SLC41A2: variants seen among roughly 807,000 people sequenced by gnomAD.
SLC41A2 encodes the protein SLC41A1-like 1.
In SLC41A2, 32 loss-of-function variants were observed where a neutral mutation model predicts 58.3. The ratio of observed to expected loss-of-function variants is 0.55; its 90% CI spans 0.41 to 0.74. SLC41A2 has a LOEUF of 0.74. Ranked by LOEUF, SLC41A2 falls within the 30% of genes least tolerant of loss-of-function variation. The pLI is 0.00. For synonymous variants in SLC41A2, 190 were observed against 235.0 expected, an observed-to-expected ratio of 0.81 and a Z score of 1.75; for missense variants, 514 against 680.6, an observed-to-expected ratio of 0.76 and a Z score of 2.72.
At chr12:104,818,209 T>C (rs7974895) in intron 10 of SLC41A2, among the ~76,000 whole-genome samples, 6,647 of 152,134 alleles carry the variant, frequency 0.044, 280 homozygotes, top group African/African-American at 0.096. Context: ...AAGATACTAA[T>C]AGCAAAAATA....
chr12:104,929,000 A>T (rs984296030), intron 1 of SLC41A2, among the ~76,000 whole-genome samples: 5 of 152,216 alleles, frequency 3.3e-5, no homozygotes, highest in African/African-American at 1.2e-4. Flanking sequence ...CCCACAGTGG[A>T]CAAATGTTTT....
At chr12:104,957,795 C>T (rs2048224656) in intron 1 of SLC41A2, among the ~76,000 whole-genome samples, 1 of 152,212 alleles carries the variant, frequency 6.6e-6, no homozygotes, top group African/African-American at 2.4e-5. Context: ...CATACACCAC[C>T]CGCCGCCTGT....
intron 10 of SLC41A2, among the ~76,000 whole-genome samples, chr12:104,836,959 A>C (rs1272386659): frequency 6.6e-6 from 1 of 152,196 alleles, no homozygotes; most frequent in Non-Finnish European, 1.5e-5. Context: ...GTACTGTAGG[A>C]ATGGCAACTC....
rs1332959566 is a variant in SLC41A2 at position 104,845,859 on chromosome 12, T to C, written c.1371A>G (p.Arg457=). The C allele has an allele frequency of 2.5e-6, 4 of 1,613,116 alleles. No individual in the cohort carries two copies. Among genetic ancestry groups the C allele is most frequent in the Non-Finnish European group, 3.4e-6 (4 of 1,179,436 alleles). The change falls in exon 9 of 11, where the codon AGA becomes AGG. Residue 457 remains arginine, a synonymous_variant. Transcript: ENST00000258538. ...AGCACATACCTGGACCAAAGAAAGT[T>C]CTAAATGGGTAGTAACAACCTTTGG... ...DEPKGCYYPF[R]TFFGPGVNNK... is the part of the protein sequence containing the mutation.
chr12:104,949,582 G>A (rs1044207225), intron 1 of SLC41A2, among the ~76,000 whole-genome samples: 15 of 151,578 alleles, frequency 9.9e-5, no homozygotes, highest in African/African-American at 3.6e-4. Context: ...ATGATGGTGA[G>A]CTAAACTTTT....
At chr12:104,943,802 C>A (rs2047605009) in intron 1 of SLC41A2, among the ~76,000 whole-genome samples, 1 of 152,178 alleles carries the variant, frequency 6.6e-6, no homozygotes, top group Non-Finnish European at 1.5e-5. Context: ...CACCTTTAAA[C>A]ACGGGGCTTG....
chr12:104,901,920 A>G (rs1378511501), intron 3 of SLC41A2, among the ~76,000 whole-genome samples: 2 of 152,172 alleles, frequency 1.3e-5, no homozygotes, highest in African/African-American at 4.8e-5. Flanking sequence ...CTTTATACTT[A>G]TCAAAGGTCT....
chr12:104,850,474 G>A (rs1010005156), intron 8 of SLC41A2, among the ~76,000 whole-genome samples: 10 of 152,008 alleles, frequency 6.6e-5, no homozygotes, highest in African/African-American at 2.2e-4. Flanking sequence ...ATATATTGCC[G>A]GATACCTAGT....
At chr12:104,884,479 T>C (rs1260399929) in intron 6 of SLC41A2, among the ~76,000 whole-genome samples, 1 of 152,100 alleles carries the variant, frequency 6.6e-6, no homozygotes, top group East Asian at 1.9e-4. Flanking sequence ...TGGAACTGTA[T>C]ACCTGTATTT....
At position 104,860,231 on chromosome 12, in the gene SLC41A2, G is replaced by T. The variant is rs1003823784; in HGVS notation, c.1255+1060C>A. Among the ~76,000 whole-genome samples the T allele has an allele frequency of 1.6e-4, 24 of 152,116 alleles. No individual in the cohort carries two copies. The East Asian group carries it at 1.9e-3, about 12-fold the overall frequency. ...GGGAGAACATCACACACCAGGGCCT[G>T]TCAGGTGGGGGGCAAGGGGAGGGAG... On this transcript the variant is annotated intron_variant, in intron 8 of 10. Transcript: ENST00000258538.
intron 10 of SLC41A2, among the ~76,000 whole-genome samples, chr12:104,841,234 T>C (rs1349710189): frequency 2.0e-5 from 3 of 152,116 alleles, no homozygotes; most frequent in African/African-American, 7.2e-5. Context: ...TGGGGTTCTG[T>C]GTTTCATTTT....
intron 10 of SLC41A2, among the ~76,000 whole-genome samples, chr12:104,809,491 C>A (rs1219834559): frequency 6.6e-6 from 1 of 152,142 alleles, no homozygotes; most frequent in East Asian, 1.9e-4. Context: ...GTACTTTAAG[C>A]CCTATTGTCT....
At chr12:104,943,402 T>C (rs1434222534) in intron 1 of SLC41A2, among the ~76,000 whole-genome samples, 2 of 152,174 alleles carry the variant, frequency 1.3e-5, no homozygotes, top group African/African-American at 4.8e-5. Flanking sequence ...CTCTAGCAGC[T>C]ATAATATTGC....
At chr12:104,861,144 G>A in intron 8 of SLC41A2, 147 bp downstream of exon 8, 2 of 494,028 alleles carry the variant, frequency 4.0e-6, no homozygotes, top group Non-Finnish European at 7.3e-6. Context: ...AATTTTCACT[G>A]TGAGCAACAA....
At chr12:104,940,900 G>A (rs1425813618) in intron 1 of SLC41A2, among the ~76,000 whole-genome samples, 4 of 137,508 alleles carry the variant, frequency 2.9e-5, no homozygotes, top group African/African-American at 1.1e-4. Context: ...CAGGTGATCC[G>A]CCTGCCTCCG....
intron 10 of SLC41A2, among the ~76,000 whole-genome samples, chr12:104,827,242 A>G (rs1038539830): frequency 2.0e-5 from 3 of 152,226 alleles, no homozygotes; most frequent in Non-Finnish European, 4.4e-5. Flanking sequence ...CCCTGATATC[A>G]GGAGGAAGCT....
intron 4 of SLC41A2, among the ~76,000 whole-genome samples, chr12:104,893,721 G>A (rs990623115): frequency 1.3e-5 from 2 of 152,186 alleles, no homozygotes; most frequent in African/African-American, 4.8e-5. Context: ...AGATGGAACT[G>A]GAGGTCATTA....
intron 8 of SLC41A2, among the ~76,000 whole-genome samples, chr12:104,859,625 A>T (rs1341648151): frequency 6.6e-6 from 1 of 152,198 alleles, no homozygotes; most frequent in Non-Finnish European, 1.5e-5. Context: ...TTGTTCATTG[A>T]TATTCTAAAG....
chr12:104,924,497 C>A (rs1451375195), intron 2 of SLC41A2, among the ~76,000 whole-genome samples: 2 of 152,204 alleles, frequency 1.3e-5, no homozygotes, highest in East Asian at 1.9e-4. Context: ...GTAATCCCAG[C>A]ACTTTGGGAG....
Sources: gnomAD v4.1 joint callset for allele counts (sites outside exome capture counted in the v4.1 genomes callset) on GRCh38, gnomAD v4.1.1 for gene constraint, MANE v1.5 for transcripts, NCBI Gene and HGNC (gene_info 2026-07-23, HGNC 2026-07-21) for gene names.